The following GRIK4 variants were observed in gnomAD, a reference collection of about 807,000 sequenced individuals.
The protein encoded by GRIK4 is glutamate ionotropic receptor kainate type subunit 4, also known as glutamate receptor ionotropic, kainate 4.
In GRIK4, 40 loss-of-function variants were observed where a neutral mutation model predicts 104.9. The ratio of observed to expected loss-of-function variants is 0.38; its 90% CI spans 0.30 to 0.50. The LOEUF is 0.50. GRIK4 is among the 20% of genes least tolerant of loss of function. The pLI, the probability that GRIK4 is intolerant of heterozygous loss-of-function variation, is 0.93. For synonymous variants in GRIK4, 485 were observed against 524.9 expected (o/e 0.92, Z 1.04); for missense variants, 1,047 against 1,308.1 (o/e 0.80, Z 3.08).
intron 3 of GRIK4, among the ~76,000 whole-genome samples, chr11:120,750,610 C>T (rs1050246235): frequency 6.6e-6 from 1 of 152,136 alleles, no homozygotes; most frequent in African/African-American, 2.4e-5. Context: ...CTCAAGTGAT[C>T]TGGCCACCTT....
At chr11:120,882,698 T>G (rs146513602) in intron 11 of GRIK4, among the ~76,000 whole-genome samples, 166 of 152,224 alleles carry the variant, frequency 1.1e-3, no homozygotes, top group African/African-American at 3.9e-3. Context: ...GAGTTGGAGG[T>G]CAGCGAGTCC....
chr11:120,579,323 C>T (rs1335801512), intron 1 of GRIK4, among the ~76,000 whole-genome samples: 1 of 151,804 alleles, frequency 6.6e-6, no homozygotes, highest in Admixed American at 6.6e-5. Context: ...CTTATATCAG[C>T]CCCTTTCAGA....
chr11:120,714,476 A>G lies in GRIK4; in HGVS notation c.82+54076A>G, dbSNP rs75996504. On this transcript the variant is annotated intron_variant, in intron 3 of 20. Transcript: ENST00000527524. ...CCATGTGCTATGAATCTAGTGGTAC[A>G]TGGGGAGAAGTGGTTTTTTGCTTCT... Among the ~76,000 whole-genome samples, 958 of 152,310 alleles carry G rather than the reference A, an allele frequency of 6.3e-3. 4 individuals are homozygous for G. Among genetic ancestry groups the G allele is most frequent in the African/African-American group, 0.02 (850 of 41,554 alleles).
At chr11:120,929,380 T>C (rs1446727917) in intron 13 of GRIK4, among the ~76,000 whole-genome samples, 1 of 152,132 alleles carries the variant, frequency 6.6e-6, no homozygotes, top group African/African-American at 2.4e-5. Context: ...CCCTGGCTCC[T>C]TCTGATCCCA....
chr11:120,851,717 T>C lies in GRIK4; in HGVS notation c.745-10242T>C, dbSNP rs1046231308. On this transcript the variant is annotated intron_variant, in intron 8 of 20. Coordinates refer to ENST00000527524, the MANE Select transcript of GRIK4 (RefSeq NM_014619.5). ...ATCCCTGCCCCTCCCCCGCCCCCAC[T>C]GTGGGAACCTATCTGAGAGCCTGGT... Among the ~76,000 whole-genome samples the C allele has an allele frequency of 1.1e-3, 152 of 142,336 alleles. 1 individual carries two copies. The highest frequency in any genetic ancestry group is 7.9e-4 in the Admixed American group (11 of 13,980). 93.4% of individuals were successfully genotyped at this position (142,336 alleles called of 152,430 possible).
intron 1 of GRIK4, among the ~76,000 whole-genome samples, chr11:120,539,614 A>C (rs1948011895): frequency 6.6e-6 from 1 of 152,202 alleles, no homozygotes; most frequent in Non-Finnish European, 1.5e-5. Flanking sequence ...TTTGATCTGG[A>C]GTTTAATTTG....
At chr11:120,691,303 A>G (rs1224402042) in intron 3 of GRIK4, among the ~76,000 whole-genome samples, 1 of 152,204 alleles carries the variant, frequency 6.6e-6, no homozygotes, top group Admixed American at 6.5e-5. Context: ...TCAGAAGTTA[A>G]GGTTGGGAAG....
At chr11:120,732,286 A>G (rs1457507475) in intron 3 of GRIK4, among the ~76,000 whole-genome samples, 1 of 151,780 alleles carries the variant, frequency 6.6e-6, no homozygotes, top group Non-Finnish European at 1.5e-5. Context: ...TGTGCACCAC[A>G]ACACCCGGCT....
At chr11:120,813,943 C>T (rs79287150) in intron 4 of GRIK4, among the ~76,000 whole-genome samples, 2,066 of 152,288 alleles carry the variant, frequency 0.014, 36 homozygotes, top group African/African-American at 0.046. Context: ...AGTGTGTGCA[C>T]GGAGAATTCT....
intron 4 of GRIK4, among the ~76,000 whole-genome samples, chr11:120,805,380 G>C (rs1591935843): frequency 6.6e-6 from 1 of 152,306 alleles, no homozygotes; most frequent in East Asian, 1.9e-4. Flanking sequence ...ATCGTTAGCA[G>C]ATGTAAATTT....
chr11:120,615,399 T>C (rs1201485384), intron 1 of GRIK4, among the ~76,000 whole-genome samples: 2 of 152,212 alleles, frequency 1.3e-5, no homozygotes, highest in Non-Finnish European at 2.9e-5. Context: ...ACTAAAAGCC[T>C]GTTAATTATG....
chr11:120,674,011 A>G (rs1487435820), intron 3 of GRIK4, among the ~76,000 whole-genome samples: 1 of 152,082 alleles, frequency 6.6e-6, no homozygotes, highest in African/African-American at 2.4e-5. Flanking sequence ...TCGGGGCCAT[A>G]CAGAACAGGC....
chr11:120,598,387 C>T (rs1948835968), intron 1 of GRIK4, among the ~76,000 whole-genome samples: 1 of 152,198 alleles, frequency 6.6e-6, no homozygotes. Flanking sequence ...ACCTCCAGTG[C>T]AGAGTTTGTG....
At chr11:120,855,169 G>A (rs1954071073) in intron 8 of GRIK4, among the ~76,000 whole-genome samples, 1 of 152,180 alleles carries the variant, frequency 6.6e-6, no homozygotes, top group South Asian at 2.1e-4. Flanking sequence ...GGGCGGCTGA[G>A]GCTGCTGGAC....
intron 13 of GRIK4, among the ~76,000 whole-genome samples, chr11:120,908,425 AC>A (rs1942917017): frequency 1.2e-4 from 6 of 49,550 alleles, no homozygotes; most frequent in Admixed American, 7.0e-4. Flanking sequence ...TTAAAATAAC[AC>A]ACACACACAC....
chr11:120,865,748 C>T (rs115985748), intron 9 of GRIK4, among the ~76,000 whole-genome samples: 5,280 of 152,226 alleles, frequency 0.035, 283 homozygotes, highest in African/African-American at 0.12. Context: ...TCTGAATACC[C>T]GAATACAGAG....
intron 3 of GRIK4, among the ~76,000 whole-genome samples, chr11:120,776,987 G>C (rs1952056845): frequency 1.3e-5 from 2 of 152,166 alleles, no homozygotes; most frequent in Admixed American, 6.5e-5. Context: ...GAGCTACGAG[G>C]GGGGTGTGAG....
At chr11:120,822,657 A>G (rs1345363973) in intron 6 of GRIK4, among the ~76,000 whole-genome samples, 1 of 152,224 alleles carries the variant, frequency 6.6e-6, no homozygotes, top group Non-Finnish European at 1.5e-5. Flanking sequence ...TGGGCAGCAC[A>G]AGTGTGGAAC....
intron 3 of GRIK4, among the ~76,000 whole-genome samples, chr11:120,737,565 G>A (rs1057378342): frequency 6.6e-6 from 1 of 152,072 alleles, no homozygotes; most frequent in Admixed American, 6.6e-5. Flanking sequence ...TTGGGCAAAC[G>A]AACAAATAAA....
Sources: gnomAD v4.1 joint callset for allele counts (sites outside exome capture counted in the v4.1 genomes callset) on GRCh38, gnomAD v4.1.1 for gene constraint, MANE v1.5 for transcripts, NCBI Gene and HGNC (gene_info 2026-07-23, HGNC 2026-07-21) for gene names.